TMEM182: variants seen among roughly 807,000 people sequenced by gnomAD.
The protein encoded by TMEM182 is transmembrane protein 182.
In TMEM182, 20 loss-of-function variants were observed where a neutral mutation model predicts 26.8. The observed-to-expected ratio is 0.75, with a 90% CI of 0.53 to 1.09. The LOEUF is 1.09. Ranked by LOEUF, TMEM182 falls within the 50% of genes least tolerant of loss-of-function variation. TMEM182 has a pLI of 0.00. For missense variants in TMEM182, 277 were observed against 275.5 expected (o/e 1.01, Z -0.04); for synonymous variants, 109 against 102.2 (o/e 1.07, Z -0.40).
chr2:102,757,945 C>T (rs1427263405), upstream of TMEM182, among the ~76,000 whole-genome samples: 1 of 152,164 alleles, frequency 6.6e-6, no homozygotes, highest in Non-Finnish European at 1.5e-5. Flanking sequence ...CATGAGAACT[C>T]ACTCACTATC....
chr2:102,828,270 A>C (rs1345814741), intron 3 of TMEM182, among the ~76,000 whole-genome samples: 1 of 152,194 alleles, frequency 6.6e-6, no homozygotes, highest in East Asian at 1.9e-4. Context: ...TCAGGAGATC[A>C]CATGTAACCG....
At chr2:102,764,239 A>G (rs1325471559) in intron 2 of TMEM182, 90 bp from the exon 3 acceptor site, 5 of 1,314,362 alleles carry the variant, frequency 3.8e-6, no homozygotes, top group Admixed American at 3.5e-5. Context: ...TGCTTGTGTA[A>G]CCCTTGTGCT....
intron 3 of TMEM182, among the ~76,000 whole-genome samples, chr2:102,770,355 T>G (rs974981417): frequency 4.6e-5 from 7 of 152,148 alleles, no homozygotes; most frequent in Admixed American, 3.9e-4. Context: ...CAGACACCCA[T>G]TAAAGTCTCC....
intron 1 of TMEM182, among the ~76,000 whole-genome samples, chr2:102,741,919 A>T (rs1679556384): frequency 6.6e-6 from 1 of 152,198 alleles, no homozygotes. Flanking sequence ...GAAACCTCAT[A>T]CAAAAAGCCT....
At chr2:102,773,454 A>G (rs1680767487) in intron 3 of TMEM182, among the ~76,000 whole-genome samples, 1 of 151,784 alleles carries the variant, frequency 6.6e-6, no homozygotes. Flanking sequence ...GAGCCATGCA[A>G]TGAGAAGAAG....
chr2:102,743,267 A>T (rs1411182156), intron 1 of TMEM182, among the ~76,000 whole-genome samples: 1 of 152,190 alleles, frequency 6.6e-6, no homozygotes, highest in Admixed American at 6.5e-5. Flanking sequence ...CAACCACAAA[A>T]TGTTTTGAAA....
At chr2:102,776,030 A>T (rs190229859) in intron 3 of TMEM182, among the ~76,000 whole-genome samples, 2 of 152,336 alleles carry the variant, frequency 1.3e-5, no homozygotes, top group African/African-American at 4.8e-5. Context: ...TTTTAAAAAA[A>T]GAATAAGACT....
intron 3 of TMEM182, among the ~76,000 whole-genome samples, chr2:102,828,224 C>T (rs1683076612): frequency 6.6e-6 from 1 of 152,096 alleles, no homozygotes; most frequent in Admixed American, 6.5e-5. Flanking sequence ...AAACAAATCC[C>T]CACTAAATGA....
chr2:102,782,275 G>A (rs1035876637), intron 3 of TMEM182, among the ~76,000 whole-genome samples: 8 of 151,160 alleles, frequency 5.3e-5, no homozygotes, highest in East Asian at 1.9e-4. Flanking sequence ...ACAGTGAGCC[G>A]AGATAGTGCC....
intron 3 of TMEM182, among the ~76,000 whole-genome samples, chr2:102,831,164 CATAGG>C (rs1254371745): frequency 7.2e-5 from 11 of 152,152 alleles, no homozygotes; most frequent in Non-Finnish European, 1.5e-4. Context: ...CTGCAACAAA[CATAGG>C]AGTGCAGATG....
At chr2:102,754,003 A>G (rs1679961212) in intron 1 of TMEM182, among the ~76,000 whole-genome samples, 1 of 152,232 alleles carries the variant, frequency 6.6e-6, no homozygotes, top group Non-Finnish European at 1.5e-5. Flanking sequence ...GAGGTAGTAG[A>G]GAGGACGCCA....
Position 102,827,888 on chromosome 2 carries a change from C to G in TMEM182, c.326-15524C>G, listed in dbSNP as rs930629037. Among the ~76,000 whole-genome samples the G allele has an allele frequency of 2.0e-5, 3 of 152,066 alleles. No homozygotes were observed. The South Asian group carries it at 6.2e-4, about 32-fold the overall frequency. On this transcript the variant is annotated intron_variant, in intron 3 of 3. Transcript: ENST00000486293. ...TTGGGATCACCTGAGGTCAGGAGTT[C>G]GAGGCCCGCCTGGCCAACATGGTGA... is the stretch of plus-strand genomic sequence containing the variant.
In TMEM182 at chr2:102,780,461, C is replaced by T. The variant is rs146656363; in HGVS notation, c.331+16034C>T. 2.2e-4 allele frequency among the ~76,000 whole-genome samples: 34 copies of T among 152,240 alleles called. 1 individual carries two copies. In the East Asian group the frequency reaches 5.6e-3, roughly 25 times the overall value. On this transcript the variant is annotated intron_variant, in intron 3 of 4. Transcript: ENST00000412401. ...GGCAAGACCTCATTACAGCTCTAAC[C>T]ATAGCTTCTGCTGACAAAGGTGGTG...
Position 102,813,083 on chromosome 2 carries a change from T to C in TMEM182, c.470-1665T>C, listed in dbSNP as rs188559789. On this transcript the variant is annotated intron_variant, in intron 4 of 4. Coordinates refer to ENST00000412401, the MANE Select transcript of TMEM182 (RefSeq NM_144632.5). ...CTCTGTGAGCCAATATTTGCATTTA[T>C]ATTACAGACCACGGTGTGAAGGATG... Among the ~76,000 whole-genome samples the C allele has an allele frequency of 4.7e-4, 72 of 152,360 alleles. 1 individual carries two copies. The highest frequency in any genetic ancestry group is 1.2e-3 in the African/African-American group (51 of 41,600).
intron 4 of TMEM182, among the ~76,000 whole-genome samples, chr2:102,798,723 C>T (rs1170079602): frequency 6.6e-6 from 1 of 152,072 alleles, no homozygotes; most frequent in Non-Finnish European, 1.5e-5. Context: ...TGCCTGTAAT[C>T]CCAGCTACTC....
At position 102,816,592 on chromosome 2, in the gene TMEM182, T is replaced by C; in HGVS notation, c.*1624T>C. The stretch of plus-strand genomic sequence containing the variant: ...GGTTTCTCAAGTCATTTCAGTGATA[T>C]CATTGAAACGTTTTTGTGGTACTTC... On this transcript the variant is annotated 3_prime_UTR_variant, in exon 5 of 5. Coordinates refer to ENST00000412401, the MANE Select transcript of TMEM182 (RefSeq NM_144632.5). 5.1e-6 allele frequency: 5 copies of C among 985,062 alleles called. No individual in the cohort carries two copies. The highest frequency in any genetic ancestry group is 6.0e-6 in the Non-Finnish European group (5 of 829,774). 61.0% of individuals were successfully genotyped at this position (985,062 alleles called of 1,614,324 possible). A position where few individuals can be genotyped will look rare whatever the true frequency, so the allele number is the denominator to read the frequency against.
rs960433496 is a variant in TMEM182 at position 102,791,124 on chromosome 2, C to T, written c.332-6739C>T. Reference sequence around the variant, plus strand: ...CTAATTTTTGTATTTTTTATAGAAACGTAATTTCACCATGTTGGCCAGGCT... The same window carrying T: ...CTAATTTTTGTATTTTTTATAGAAATGTAATTTCACCATGTTGGCCAGGCT... On this transcript the variant is annotated intron_variant, in intron 3 of 4. Coordinates refer to ENST00000412401, the MANE Select transcript of TMEM182 (RefSeq NM_144632.5). Among the ~76,000 whole-genome samples the T allele has an allele frequency of 7.2e-5, 11 of 152,096 alleles. No individual in the cohort carries two copies. The South Asian group carries it at 8.3e-4, about 11-fold the overall frequency.
At chr2:102,747,114 C>T (rs1679722296) in intron 1 of TMEM182, among the ~76,000 whole-genome samples, 1 of 152,182 alleles carries the variant, frequency 6.6e-6, no homozygotes, top group South Asian at 2.1e-4. Flanking sequence ...GGGAGTGAAA[C>T]TCGGACTGTT....
chr2:102,760,623 T>C (rs1558756043), upstream of TMEM182, among the ~76,000 whole-genome samples: 1 of 152,176 alleles, frequency 6.6e-6, no homozygotes, highest in Non-Finnish European at 1.5e-5. Flanking sequence ...TTTGTTTGTT[T>C]TTTGTTTTTT....
Sources: gnomAD v4.1 joint callset for allele counts (sites outside exome capture counted in the v4.1 genomes callset) on GRCh38, gnomAD v4.1.1 for gene constraint, MANE v1.5 for transcripts, NCBI Gene and HGNC (gene_info 2026-07-23, HGNC 2026-07-21) for gene names.